Variants in MKRN2OS observed in about 807,000 individuals in gnomAD.
MKRN2OS encodes MKRN2 opposite strand protein.
In MKRN2OS, 17 loss-of-function variants were observed where a neutral mutation model predicts 18.2. The observed-to-expected ratio is 0.93, with a 90% confidence interval of 0.64 to 1.40. MKRN2OS has a LOEUF of 1.40. Among genes scored for constraint, MKRN2OS ranks in the 40% most tolerant of loss-of-function variants. MKRN2OS has a pLI of 0.00. For missense variants in MKRN2OS, 337 were observed against 283.0 expected (o/e 1.19, Z -1.37); for synonymous variants, 121 against 108.5 (o/e 1.12, Z -0.72).
intron 3 of MKRN2OS, among the ~76,000 whole-genome samples, chr3:12,541,317 G>A (rs1479074949): frequency 2.6e-5 from 4 of 151,976 alleles, no homozygotes; most frequent in Non-Finnish European, 5.9e-5. Context: ...TCCGCCTCTT[G>A]GTTCAAGTGA....
At chr3:12,555,465 T>C (rs1055374888) in intron 1 of MKRN2OS, among the ~76,000 whole-genome samples, 1 of 152,118 alleles carries the variant, frequency 6.6e-6, no homozygotes, top group African/African-American at 2.4e-5. Flanking sequence ...TTCTAAATAA[T>C]TGGAAGTATA....
At position 12,541,808 on chromosome 3, in the gene MKRN2OS, A is replaced by G. The variant is rs1225083600; in HGVS notation, c.431+52T>C. The G allele has an allele frequency of 2.6e-6, 4 of 1,511,342 alleles. No individual in the cohort carries two copies. In the African/African-American group the frequency reaches 4.1e-5, roughly 16 times the overall value. The allele number at this position is 1,511,342 out of a possible 1,614,324, so 93.6% of individuals were successfully genotyped here. A position where few individuals can be genotyped will look rare whatever the true frequency, so the allele number is the denominator to read the frequency against. On this transcript the variant is annotated intron_variant, in intron 3 of 3. Coordinates refer to ENST00000564146, the MANE Select transcript of MKRN2OS (RefSeq NM_001195279.2). The stretch of plus-strand genomic sequence containing the variant: ...TGAGCTGAGGCTACACGGGGATCCC[A>G]CTTGCATAGCATGTGAGTGTCAGCG...
chr3:12,553,966 A>C (rs1198971365), exon 2 of MKRN2OS: 4 of 152,202 alleles, frequency 2.6e-5, no homozygotes, highest in African/African-American at 9.7e-5. Context: ...AAAGCTTTGC[A>C]AGACCCTCGG....
At chr3:12,542,094 A>G in intron 2 of MKRN2OS, 72 bp from the exon 3 acceptor site, 2 of 1,425,380 alleles carry the variant, frequency 1.4e-6, no homozygotes, top group Non-Finnish European at 1.9e-6. Context: ...GACATCAGAA[A>G]ATGACAGTAG....
At chr3:12,545,151 C>A in intron 1 of MKRN2OS, 96 bp downstream of exon 1, 1 of 1,011,584 alleles carries the variant, frequency 9.9e-7, no homozygotes, top group Non-Finnish European at 1.4e-6. Context: ...GTCCACCAAA[C>A]CTCACACATT....
In MKRN2OS at chr3:12,542,116, C is replaced by G. The variant is rs923276430; in HGVS notation, c.269-94G>C. 5 of 1,252,370 alleles carry G rather than the reference C, an allele frequency of 4.0e-6. No homozygotes were observed. In the African/African-American group the frequency reaches 7.5e-5, roughly 19 times the overall value. The allele number at this position is 1,252,370 out of a possible 1,614,324, so 77.6% of individuals were successfully genotyped here. A position where few individuals can be genotyped will look rare whatever the true frequency, so the allele number is the denominator to read the frequency against. On this transcript the variant is annotated intron_variant, in intron 2 of 3. Transcript: ENST00000564146. ...GAAAATGACAGTAGCCATGTGGTAA[C>G]TTTACGTAACATAAATCCAGGGTGG... is the stretch of plus-strand genomic sequence containing the variant.
chr3:12,557,256 G>T, intron 1 of MKRN2OS: 1 of 1,495,746 alleles, frequency 6.7e-7, no homozygotes. Context: ...CTGTGGTCCG[G>T]GAACCTGAGG....
chr3:12,540,312 G>A lies in MKRN2OS; in HGVS notation c.553C>T (p.Arg185Trp), dbSNP rs1054019164. ...ATGAACTTGGATGCCAGCCTTGTCC[G>A]CGGGACCACGTACTTCTCCGTAAAT... is the stretch of plus-strand genomic sequence containing the variant. ...GEFTEKYVVP[R>W]TRLASKFITL... The change falls in exon 4 of 4, where the codon CGG (arginine) becomes TGG (tryptophan). Residue 185 changes from arginine (R) to tryptophan (W), a missense_variant. Coordinates refer to ENST00000564146, the MANE Select transcript of MKRN2OS (RefSeq NM_001195279.2). 2.5e-5 allele frequency: 39 copies of A among 1,535,988 alleles called. No homozygotes were observed. Among genetic ancestry groups the A allele is most frequent in the Non-Finnish European group, 3.3e-5 (38 of 1,146,924 alleles).
At chr3:12,550,537 A>G (rs2057922073), downstream of MKRN2OS, among the ~76,000 whole-genome samples, 1 of 152,078 alleles carries the variant, frequency 6.6e-6, no homozygotes, top group African/African-American at 2.4e-5. Context: ...AAATAGCAAG[A>G]CCCCATCTCT....
exon 2 of MKRN2OS, chr3:12,553,879 T>A (rs1433743372): frequency 6.6e-6 from 1 of 152,094 alleles, no homozygotes; most frequent in Non-Finnish European, 1.5e-5. Flanking sequence ...CAACAAGCAA[T>A]TCGGAAATTT....
At chr3:12,541,354 G>A (rs2057808430) in intron 3 of MKRN2OS, among the ~76,000 whole-genome samples, 1 of 151,760 alleles carries the variant, frequency 6.6e-6, no homozygotes, top group African/African-American at 2.4e-5. Flanking sequence ...TCCCAAGTAG[G>A]GACTACAGAC....
At chr3:12,544,842 C>A (rs1466811940) in intron 1 of MKRN2OS, among the ~76,000 whole-genome samples, 1 of 152,188 alleles carries the variant, frequency 6.6e-6, no homozygotes, top group Non-Finnish European at 1.5e-5. Context: ...TGCCTCCATA[C>A]AAAATAGTCT....
chr3:12,559,577 A>G (rs2058018868), intron 1 of MKRN2OS, among the ~76,000 whole-genome samples: 1 of 152,204 alleles, frequency 6.6e-6, no homozygotes, highest in African/African-American at 2.4e-5. Flanking sequence ...ATGTATCTCC[A>G]AGAGTTGCTT....
intron 1 of MKRN2OS, among the ~76,000 whole-genome samples, chr3:12,554,431 G>A (rs926789351): frequency 1.3e-5 from 2 of 151,952 alleles, no homozygotes; most frequent in African/African-American, 4.8e-5. Flanking sequence ...AGTGCACACT[G>A]GCTGTCGTTG....
intron 1 of MKRN2OS, among the ~76,000 whole-genome samples, chr3:12,560,104 G>A (rs567673060): frequency 2.6e-5 from 4 of 152,328 alleles, no homozygotes; most frequent in East Asian, 3.9e-4. Context: ...CGGCAGGGCT[G>A]TTTAAAAATT....
intron 1 of MKRN2OS, among the ~76,000 whole-genome samples, chr3:12,557,589 A>G (rs1280208416): frequency 6.6e-6 from 1 of 152,274 alleles, no homozygotes; most frequent in Middle Eastern, 3.2e-3. Context: ...GTAATTTGTT[A>G]ATCGATTATG....
In MKRN2OS at chr3:12,543,883, C is replaced by A. The variant is rs1229751834; in HGVS notation, c.219-654G>T. Among the ~76,000 whole-genome samples the A allele has an allele frequency of 2.4e-5, 3 of 126,804 alleles. No homozygotes were observed. The Admixed American group carries it at 2.4e-4, about 10-fold the overall frequency. The allele number at this position is 126,804 out of a possible 152,430, so 83.2% of individuals were successfully genotyped here. On this transcript the variant is annotated intron_variant, in intron 1 of 3. Transcript: ENST00000564146. ...CTCCACCCTGGGCAACAGAGTAAGACCCTGGTCTCAAAAAAAAAAAAAAAA... is the reference window on the plus strand; with the variant it reads ...CTCCACCCTGGGCAACAGAGTAAGAACCTGGTCTCAAAAAAAAAAAAAAAA...
downstream of MKRN2OS, among the ~76,000 whole-genome samples, chr3:12,552,901 G>A (rs927799739): frequency 6.6e-6 from 1 of 151,478 alleles, no homozygotes; most frequent in African/African-American, 2.4e-5. Flanking sequence ...AGCATGCCTG[G>A]CGCACACCTG....
upstream of MKRN2OS, among the ~76,000 whole-genome samples, chr3:12,549,339 G>A (rs1423358435): frequency 1.3e-5 from 2 of 152,018 alleles, no homozygotes; most frequent in Non-Finnish European, 2.9e-5. Context: ...CATCTCCTGG[G>A]TTCAAGCGGT....
Sources: allele counts gnomAD v4.1 joint callset (sites outside exome capture counted in the v4.1 genomes callset), GRCh38; gene constraint gnomAD v4.1.1; transcripts MANE v1.5; gene names NCBI Gene and HGNC (gene_info 2026-07-23, HGNC 2026-07-21).